The following RAB20 variants were observed in gnomAD, a reference collection of about 807,000 sequenced individuals.
RAB20 encodes the protein RAB20, member RAS oncogene family.
Under a neutral mutation model 3.7 loss-of-function variants are expected in RAB20, and 2 were observed. The observed-to-expected ratio is 0.54, with a 90% CI of 0.22 to 1.69. RAB20 has a LOEUF of 1.69. Among genes scored for constraint, RAB20 ranks in the 40% most tolerant of loss-of-function variants. The pLI is 0.19. For synonymous variants in RAB20, 126 were observed against 130.8 expected, an observed-to-expected ratio of 0.96 and a Z score of 0.25; for missense variants, 276 against 311.9, an observed-to-expected ratio of 0.88 and a Z score of 0.87.
At chr13:110,557,684 C>A (rs1885061672) in intron 1 of RAB20, among the ~76,000 whole-genome samples, 1 of 152,266 alleles carries the variant, frequency 6.6e-6, no homozygotes, top group South Asian at 2.1e-4. Flanking sequence ...GCAGCTGGAG[C>A]TGGATGCCGG....
chr13:110,551,059 CTG>C lies in RAB20; in HGVS notation c.172+10287_172+10288del, dbSNP rs1247218818. Among the ~76,000 whole-genome samples the C allele has an allele frequency of 5.3e-5, 8 of 152,320 alleles. No homozygotes were observed. In the East Asian group the frequency reaches 5.8e-4, roughly 11 times the overall value. On this transcript the variant is annotated intron_variant, in intron 1 of 1. Transcript: ENST00000267328. ...AGAAAATGAAACTGCTAATGTCAGT[CTG>C]TGAATTTTCCCCACTGCTTTCAAAA...
At chr13:110,526,249 C>A (rs759178573) in intron 1 of RAB20, among the ~76,000 whole-genome samples, 26 of 152,250 alleles carry the variant, frequency 1.7e-4, no homozygotes, top group Non-Finnish European at 3.5e-4. Context: ...TGCCTCTGAA[C>A]AAGGATGAGG....
intron 1 of RAB20, among the ~76,000 whole-genome samples, chr13:110,553,232 T>G (rs1243621802): frequency 6.6e-6 from 1 of 152,220 alleles, no homozygotes; most frequent in Non-Finnish European, 1.5e-5. Flanking sequence ...TTAACTGGCA[T>G]TTCTTCCAAG....
chr13:110,559,627 C>T (rs959628803), intron 1 of RAB20, among the ~76,000 whole-genome samples: 2 of 152,184 alleles, frequency 1.3e-5, no homozygotes, highest in Non-Finnish European at 1.5e-5. Context: ...GTAATTCACC[C>T]TTAGGATCTT....
chr13:110,524,960 G>A (rs1884402078), intron 1 of RAB20, among the ~76,000 whole-genome samples: 1 of 152,220 alleles, frequency 6.6e-6, no homozygotes, highest in South Asian at 2.1e-4. Flanking sequence ...AGGCAAGCCG[G>A]GAACCTGCTC....
In RAB20 at chr13:110,554,399, G is replaced by T. The variant is rs1353976098; in HGVS notation, c.172+6949C>A. Among the ~76,000 whole-genome samples, 7 of 152,286 alleles carry T rather than the reference G, an allele frequency of 4.6e-5. No individual in the cohort carries two copies. The South Asian group carries it at 8.3e-4, about 18-fold the overall frequency. Reference sequence around the variant, plus strand: ...AGCAGCTGTCATGTGGCTGGGGGCTGAGGTTTGTGTGTGGACTGGAAGGAG... The same window carrying T: ...AGCAGCTGTCATGTGGCTGGGGGCTTAGGTTTGTGTGTGGACTGGAAGGAG... On this transcript the variant is annotated intron_variant, in intron 1 of 1. Transcript: ENST00000267328.
At chr13:110,533,940 G>A (rs1381302529) in intron 1 of RAB20, among the ~76,000 whole-genome samples, 2 of 152,166 alleles carry the variant, frequency 1.3e-5, no homozygotes, top group Non-Finnish European at 2.9e-5. Flanking sequence ...CACGCAGTGG[G>A]CAGGCCCTCC....
chr13:110,555,000 CAGGGAGCG>C (rs60164512), intron 1 of RAB20, among the ~76,000 whole-genome samples: 142,281 of 151,766 alleles, frequency 0.94, 66,744 homozygotes, highest in South Asian at 0.96. Context: ...GGCACCGTGT[CAGGGAGCG>C]ACTGTGGGAG....
In RAB20 at chr13:110,561,355, G is replaced by A; in HGVS notation, c.165C>T (p.Asp55=). 6.2e-7 allele frequency: 1 copy of A among 1,603,462 alleles called. No homozygotes were observed. The highest frequency in any genetic ancestry group is 8.5e-7 in the Non-Finnish European group (1 of 1,175,488). The part of the protein sequence containing the change: ...QWRSYNISIW[D]TAGREQFHGL... ...ATGCGGCGCCGGCCTCACCTGCGGT[G>A]TCCCAGATGGAGATGTTGTAGGAGC... Residue 55 remains aspartate (D), a synonymous_variant, in exon 1 of 2, where the codon GAC becomes GAT. Coordinates refer to ENST00000267328, the MANE Select transcript of RAB20 (RefSeq NM_017817.3).
Position 110,523,998 on chromosome 13 carries a change from C to T in RAB20, c.372G>A (p.Ala124=), listed in dbSNP as rs145725164. Residue 124 remains alanine, a synonymous_variant, in exon 2 of 2, where the codon GCG becomes GCA. Transcript: ENST00000267328. ...GACTGCACTCTTCCTTCTCCTGGCC[C>T]GCCAAGGCCCCCTCCTCAGTGAGGT... ...KVDLTEEGAL[A]GQEKEECSPN... is the part of the protein sequence containing the mutation. The T allele has an allele frequency of 3.6e-5, 58 of 1,614,140 alleles. No individual in the cohort carries two copies. Among genetic ancestry groups the T allele is most frequent in the Non-Finnish European group, 4.7e-5 (56 of 1,180,014 alleles).
At chr13:110,552,584 TCAGGAGGCTGAGG>T (rs1884972386) in intron 1 of RAB20, among the ~76,000 whole-genome samples, 1 of 150,536 alleles carries the variant, frequency 6.6e-6, no homozygotes, top group African/African-American at 2.4e-5. Flanking sequence ...TCCCAGCTAC[TCAGGAGGCTGAGG>T]CAGGAGAATG....
chr13:110,524,147 C>G lies in RAB20; in HGVS notation c.223G>C (p.Ala75Pro). Residue 75 changes from alanine to proline, a missense_variant, in exon 2 of 2, where the codon GCC (alanine) becomes CCC (proline). Ala to Pro is a conservative substitution (Grantham distance 27). Transcript: ENST00000267328. Reference sequence around the variant, plus strand: ...TTCACATCATAGGTGAGGATGATGGCGGCCGCCCCCCGGCAGTACATGGAG... The same window carrying G: ...TTCACATCATAGGTGAGGATGATGGGGGCCGCCCCCCGGCAGTACATGGAG... Reference protein sequence around the residue: ...LGSMYCRGAAAIILTYDVNHR... With the variant: ...LGSMYCRGAAPIILTYDVNHR... 1 of 1,607,612 alleles carries G rather than the reference C, an allele frequency of 6.2e-7. No individual in the cohort carries two copies. The highest frequency in any genetic ancestry group is 8.5e-7 in the Non-Finnish European group (1 of 1,179,682).
At position 110,555,757 on chromosome 13, in the gene RAB20, G is replaced by A. The variant is rs761089717; in HGVS notation, c.172+5591C>T. ...AAATTCAATATGGCCAGGTCTCCCA[G>A]GTTGCTGAGCCCTTGGGTGGCAGAT... On this transcript the variant is annotated intron_variant, in intron 1 of 1. Coordinates refer to ENST00000267328, the MANE Select transcript of RAB20 (RefSeq NM_017817.3). The surrounding 1 kb of genome is among the most constrained non-coding windows in gnomAD (Gnocchi z 4.0). Among the ~76,000 whole-genome samples the A allele has an allele frequency of 4.6e-5, 7 of 152,224 alleles. No individual in the cohort carries two copies. Among genetic ancestry groups the A allele is most frequent in the Non-Finnish European group, 8.8e-5 (6 of 68,044 alleles).
At chr13:110,526,470 T>TC (rs34771602) in intron 1 of RAB20, among the ~76,000 whole-genome samples, 39,470 of 152,102 alleles carry the variant, frequency 0.26, 5,673 homozygotes, top group South Asian at 0.34. Context: ...CAGTGGCCCA[T>TC]CATTGGCAGC....
chr13:110,561,525 C>T lies in RAB20; in HGVS notation c.-6G>A, dbSNP rs756100059. On this transcript the variant is annotated 5_prime_UTR_variant, in exon 1 of 2. Coordinates refer to ENST00000267328, the MANE Select transcript of RAB20 (RefSeq NM_017817.3). The stretch of plus-strand genomic sequence containing the variant: ...TTGCTGTCGGGCTTCCTCATCTTCC[C>T]GTAAGAACCCCCAGCGCCCCCGCGC... 3.2e-6 allele frequency: 5 copies of T among 1,560,152 alleles called. No homozygotes were observed. Among genetic ancestry groups the T allele is most frequent in the Admixed American group, 1.9e-5 (1 of 53,766 alleles).
At chr13:110,554,079 C>T (rs1301357411) in intron 1 of RAB20, among the ~76,000 whole-genome samples, 1 of 152,180 alleles carries the variant, frequency 6.6e-6, no homozygotes, top group African/African-American at 2.4e-5. Flanking sequence ...TACCCCACTG[C>T]ACTCCAGCCT....
chr13:110,527,900 T>TAAACACACACACACACACACAC (rs1398743171), intron 1 of RAB20, among the ~76,000 whole-genome samples: 1 of 138,124 alleles, frequency 7.2e-6, no homozygotes, highest in African/African-American at 2.8e-5. Context: ...TCTCTACAAA[T>TAAACACACACACACACACACAC]ACACACACAC....
At chr13:110,535,621 T>C (rs893784619) in intron 1 of RAB20, among the ~76,000 whole-genome samples, 5 of 152,244 alleles carry the variant, frequency 3.3e-5, no homozygotes, top group Non-Finnish European at 5.9e-5. Flanking sequence ...GCCTCACAGC[T>C]TGGGCCCTTC....
chr13:110,557,949 G>C (rs987746026), intron 1 of RAB20, among the ~76,000 whole-genome samples: 4 of 152,266 alleles, frequency 2.6e-5, no homozygotes, highest in South Asian at 4.1e-4. Context: ...TCAGAGCAAC[G>C]ATCAGATGTG....
Sources: gnomAD v4.1 joint callset for allele counts (sites outside exome capture counted in the v4.1 genomes callset) on GRCh38, gnomAD v4.1.1 for gene constraint, Gnocchi (gnomAD v3.1) non-coding constraint, MANE v1.5 for transcripts, NCBI Gene and HGNC (gene_info 2026-07-23, HGNC 2026-07-21) for gene names.